GALNT13: variants seen among roughly 807,000 people sequenced by gnomAD.
The protein encoded by GALNT13 is UDP-GalNAc:polypeptide N-acetylgalactosaminyltransferase 13.
Under a neutral mutation model 64.2 loss-of-function variants are expected in GALNT13, and 28 were observed. The observed-to-expected ratio is 0.44, with a 90% confidence interval of 0.32 to 0.60. The LOEUF (loss-of-function observed/expected upper bound fraction) is 0.60, where lower values mean the gene tolerates loss of function less well. GALNT13 is among the 20% of genes least tolerant of loss of function. The pLI, the probability that GALNT13 is intolerant of heterozygous loss-of-function variation, is 0.05. For synonymous variants in GALNT13, 214 were observed against 224.6 expected (o/e 0.95, Z 0.42); for missense variants, 577 against 669.8 (o/e 0.86, Z 1.53).
chr2:153,555,748 T>A, the GALNT13 span, among the ~76,000 whole-genome samples: 5 of 152,206 alleles, frequency 3.3e-5, no homozygotes, highest in Non-Finnish European at 5.9e-5. Context: ...TCTTAATTGC[T>A]GTGTTACACT....
intron 3 of GALNT13, among the ~76,000 whole-genome samples, chr2:154,067,207 A>G (rs946085866): frequency 3.9e-5 from 6 of 152,186 alleles, no homozygotes; most frequent in African/African-American, 9.6e-5. Flanking sequence ...ATCTTCACTA[A>G]TAAGGAAGGA....
At chr2:153,663,789 T>C in the GALNT13 span, among the ~76,000 whole-genome samples, 6 of 152,212 alleles carry the variant, frequency 3.9e-5, no homozygotes, top group African/African-American at 1.4e-4. Flanking sequence ...GAGAAGTTAT[T>C]CTTTCTCAGT....
At chr2:154,051,900 T>A (rs981205365) in intron 3 of GALNT13, among the ~76,000 whole-genome samples, 12 of 152,330 alleles carry the variant, frequency 7.9e-5, no homozygotes, top group African/African-American at 2.9e-4. Flanking sequence ...CAATGTATAT[T>A]TAGAAATGAT....
At chr2:153,756,329 T>C in the GALNT13 span, among the ~76,000 whole-genome samples, 2 of 152,142 alleles carry the variant, frequency 1.3e-5, no homozygotes, top group African/African-American at 4.8e-5. Flanking sequence ...AACATATTTA[T>C]AAACCAAGTA....
chr2:153,078,318 C>CT, the GALNT13 span, among the ~76,000 whole-genome samples: 37,059 of 133,950 alleles, frequency 0.28, 5,136 homozygotes, highest in Non-Finnish European at 0.31. Flanking sequence ...CCTTTTCATT[C>CT]TTTTTTTTTT....
chr2:154,370,094 T>G (rs1221357753), intron 9 of GALNT13, among the ~76,000 whole-genome samples: 6 of 152,118 alleles, frequency 3.9e-5, no homozygotes, highest in African/African-American at 9.7e-5. Context: ...GACTCTATTT[T>G]CAAATATAAT....
chr2:153,135,169 A>G, the GALNT13 span, among the ~76,000 whole-genome samples: 1 of 152,242 alleles, frequency 6.6e-6, no homozygotes, highest in East Asian at 1.9e-4. Flanking sequence ...CTGTCTCCTC[A>G]CATGGCAGAA....
At chr2:153,177,485 T>TTAA in the GALNT13 span, among the ~76,000 whole-genome samples, 1 of 152,084 alleles carries the variant, frequency 6.6e-6, no homozygotes. Context: ...GGTAGATGGA[T>TTAA]TAATACCTTA....
Position 154,145,098 on chromosome 2 carries a change from ATC to A in GALNT13, c.311+4595_311+4596del, listed in dbSNP as rs1423041705. Among the ~76,000 whole-genome samples the A allele has an allele frequency of 5.7e-3, 725 of 127,204 alleles. 8 individuals carry two copies. The highest frequency in any genetic ancestry group is 0.019 in the African/African-American group (642 of 33,354). 83.5% of individuals were successfully genotyped at this position (127,204 alleles called of 152,430 possible). ...TATCTATCTATCTATCTATCTATCT[ATC>A]TATATATATATATATATATACACAC... On this transcript the variant is annotated intron_variant, in intron 4 of 12. Transcript: ENST00000392825.
At chr2:154,087,848 CTCTT>C (rs71396388) in intron 3 of GALNT13, among the ~76,000 whole-genome samples, 35,841 of 151,896 alleles carry the variant, frequency 0.24, 4,540 homozygotes, top group Non-Finnish European at 0.28. Flanking sequence ...TCATATTTCT[CTCTT>C]TGTCAAGAAA....
chr2:153,590,425 A>T, the GALNT13 span, among the ~76,000 whole-genome samples: 41,402 of 151,894 alleles, frequency 0.27, 6,018 homozygotes, highest in South Asian at 0.43. Context: ...ACTAATACAA[A>T]TCCTCTTGAG....
intron 9 of GALNT13, among the ~76,000 whole-genome samples, chr2:154,394,252 CTGATTTTAAGTACT>C (rs1369261940): frequency 6.6e-6 from 1 of 151,966 alleles, no homozygotes; most frequent in Non-Finnish European, 1.5e-5. Flanking sequence ...GACCCAAGAT[CTGATTTTAAGTACT>C]TGAGGAAAAG....
chr2:153,501,112 C>A, the GALNT13 span, among the ~76,000 whole-genome samples: 1 of 151,604 alleles, frequency 6.6e-6, no homozygotes. Flanking sequence ...GGAAGCCTAT[C>A]AAATATATTA....
chr2:154,012,280 A>G (rs1351673051), intron 3 of GALNT13, among the ~76,000 whole-genome samples: 1 of 152,188 alleles, frequency 6.6e-6, no homozygotes, highest in Non-Finnish European at 1.5e-5. Flanking sequence ...GAATTCTCTT[A>G]GTACTTGCTT....
At chr2:153,202,463 AG>A in the GALNT13 span, among the ~76,000 whole-genome samples, 1 of 152,208 alleles carries the variant, frequency 6.6e-6, no homozygotes, top group Non-Finnish European at 1.5e-5. Context: ...CTAGTTTGGT[AG>A]TATAATTCCT....
At chr2:153,781,567 C>T in the GALNT13 span, among the ~76,000 whole-genome samples, 17 of 152,120 alleles carry the variant, frequency 1.1e-4, no homozygotes, top group Admixed American at 6.6e-4. Flanking sequence ...TCCATGGCAA[C>T]GAAAACTCTC....
chr2:153,661,456 T>C, the GALNT13 span, among the ~76,000 whole-genome samples: 1 of 152,190 alleles, frequency 6.6e-6, no homozygotes, highest in Non-Finnish European at 1.5e-5. Context: ...TCCCCAAGTT[T>C]AATGAATCTT....
chr2:153,263,601 A>G, the GALNT13 span, among the ~76,000 whole-genome samples: 6 of 152,202 alleles, frequency 3.9e-5, no homozygotes, highest in Non-Finnish European at 7.3e-5. Context: ...ATACAGACAC[A>G]TAGACAAATG....
At chr2:153,933,713 G>T (rs900369597) in intron 2 of GALNT13, among the ~76,000 whole-genome samples, 1 of 151,996 alleles carries the variant, frequency 6.6e-6, no homozygotes, top group African/African-American at 2.4e-5. Context: ...TTGTTTGTTT[G>T]TTTGTTTTTT....
Sources: allele counts gnomAD v4.1 joint callset (sites outside exome capture counted in the v4.1 genomes callset), GRCh38; gene constraint gnomAD v4.1.1; transcripts MANE v1.5; gene names NCBI Gene and HGNC (gene_info 2026-07-23, HGNC 2026-07-21).